Variants in LINGO2 observed in about 807,000 individuals in gnomAD.
LINGO2 encodes the protein leucine-rich repeat and immunoglobulin-like domain-containing nogo receptor-interacting protein 2.
Under a neutral mutation model 30.6 loss-of-function variants are expected in LINGO2, and 14 were observed. The ratio of observed to expected loss-of-function variants is 0.46; its 90% CI spans 0.30 to 0.72. The LOEUF (loss-of-function observed/expected upper bound fraction) is 0.72. LINGO2 is among the 30% of genes least tolerant of loss of function. LINGO2 has a pLI of 0.07. For missense variants in LINGO2, 729 were observed against 751.7 expected (o/e 0.97, Z 0.35); for synonymous variants, 317 against 288.5 (o/e 1.10, Z -1.00).
intron 2 of LINGO2, among the ~76,000 whole-genome samples, chr9:28,451,583 T>C (rs1400917316): frequency 6.6e-6 from 1 of 151,802 alleles, no homozygotes; most frequent in Admixed American, 6.6e-5. Flanking sequence ...AAAATGTTCT[T>C]AGTGTATTTT....
At chr9:28,919,256 G>A in the LINGO2 span, among the ~76,000 whole-genome samples, 2 of 152,074 alleles carry the variant, frequency 1.3e-5, no homozygotes, top group African/African-American at 2.4e-5. Context: ...CTATCATGCA[G>A]TCATGCTTGA....
chr9:28,514,122 T>A (rs914907839), intron 1 of LINGO2, among the ~76,000 whole-genome samples: 1 of 152,210 alleles, frequency 6.6e-6, no homozygotes, highest in Non-Finnish European at 1.5e-5. Flanking sequence ...TATAAGACAA[T>A]GAACTTGATC....
chr9:28,741,211 G>A, the LINGO2 span, among the ~76,000 whole-genome samples: 1 of 151,928 alleles, frequency 6.6e-6, no homozygotes, highest in Non-Finnish European at 1.5e-5. Context: ...GCAGCCACAG[G>A]GACTGGCCTA....
the LINGO2 span, among the ~76,000 whole-genome samples, chr9:29,047,774 G>A: frequency 6.6e-6 from 1 of 152,168 alleles, no homozygotes; most frequent in East Asian, 1.9e-4. Flanking sequence ...AATCAGTAAT[G>A]TTGCAGGATA....
rs1264052914 is a variant in LINGO2 at position 28,475,937 on chromosome 9, T to TA, written c.-279+2dup. 2 of 152,590 alleles carry TA rather than the reference T, an allele frequency of 1.3e-5. No homozygotes were observed. Among genetic ancestry groups the TA allele is most frequent in the African/African-American group, 4.8e-5 (2 of 41,452 alleles). 9.5% of individuals were successfully genotyped at this position (152,590 alleles called of 1,614,324 possible). On this transcript the variant is annotated splice_region_variant and intron_variant, in intron 2 of 5. Coordinates refer to ENST00000379992, the Ensembl canonical transcript of LINGO2. Reference sequence around the variant, plus strand: ...TGAAACCTAGAAAAAGAGACTCACTTACCAGTTTGAATTGTTGGGCTCTTC... The same window carrying TA: ...TGAAACCTAGAAAAAGAGACTCACTTAACCAGTTTGAATTGTTGGGCTCTTC...
At chr9:29,157,801 A>C in the LINGO2 span, among the ~76,000 whole-genome samples, 1 of 152,228 alleles carries the variant, frequency 6.6e-6, no homozygotes, top group East Asian at 1.9e-4. Flanking sequence ...AGCAAGCTCA[A>C]ATTTTGAATA....
rs188505143 is a variant in LINGO2 at position 28,149,355 on chromosome 9, G to A, written c.-86-136950C>T. On this transcript the variant is annotated intron_variant, in intron 4 of 5. Coordinates refer to ENST00000379992, the Ensembl canonical transcript of LINGO2. ...AGCGCCTCTGCCCGGCTGCTCCACC[G>A]TCTGGGAAGTGAGGAGCGCCTCTGC... is the stretch of plus-strand genomic sequence containing the variant. The A allele has an allele frequency of 6.4e-3, 2,799 of 440,272 alleles. 22 individuals carry two copies. Among genetic ancestry groups the A allele is most frequent in the African/African-American group, 0.024 (1,195 of 49,484 alleles). 27.3% of individuals were successfully genotyped at this position (440,272 alleles called of 1,614,324 possible).
intron 4 of LINGO2, among the ~76,000 whole-genome samples, chr9:28,292,565 C>A (rs774146485): frequency 6.6e-6 from 1 of 151,870 alleles, no homozygotes; most frequent in Non-Finnish European, 1.5e-5. Flanking sequence ...TGGGTTCAAG[C>A]GATTCTCCTG....
At chr9:28,068,762 G>T (rs1825387596) in intron 4 of LINGO2, among the ~76,000 whole-genome samples, 1 of 152,080 alleles carries the variant, frequency 6.6e-6, no homozygotes, top group African/African-American at 2.4e-5. Flanking sequence ...CAACTTTTAA[G>T]CTTGATTTTT....
chr9:28,028,295 C>A lies in LINGO2; in HGVS notation c.-86-15890G>T, dbSNP rs1823483624. 3.3e-5 allele frequency among the ~76,000 whole-genome samples: 5 copies of A among 152,210 alleles called. No individual in the cohort carries two copies. In the South Asian group the frequency reaches 1.0e-3, roughly 32 times the overall value. ...TTCCACAACTAGGCAGGTGCAATGC[C>A]ATCATATAAAATCTTTATTTCATCG... On this transcript the variant is annotated intron_variant, in intron 4 of 5. Transcript: ENST00000379992.
the LINGO2 span, among the ~76,000 whole-genome samples, chr9:28,935,747 T>C: frequency 2.0e-5 from 3 of 152,034 alleles, no homozygotes; most frequent in Non-Finnish European, 4.4e-5. Context: ...TTAAATGGCA[T>C]TTCTCACTGT....
At chr9:28,668,547 T>TAA (rs150489088) in intron 1 of LINGO2, among the ~76,000 whole-genome samples, 1 of 147,280 alleles carries the variant, frequency 6.8e-6, no homozygotes, top group African/African-American at 2.5e-5. Context: ...TTTCAGCTGA[T>TAA]AAAAAAAAAA....
At chr9:28,355,281 C>CTCTG (rs1436982224) in intron 3 of LINGO2, among the ~76,000 whole-genome samples, 8 of 100,406 alleles carry the variant, frequency 8.0e-5, no homozygotes, top group African/African-American at 1.7e-4. Flanking sequence ...CTGTCTCTGT[C>CTCTG]TCTCTCTCTC....
the LINGO2 span, among the ~76,000 whole-genome samples, chr9:28,727,462 A>T: frequency 1.3e-5 from 2 of 151,740 alleles, no homozygotes; most frequent in Non-Finnish European, 2.9e-5. Context: ...ATTTTTTTGT[A>T]TTTTTTTAGT....
At chr9:28,289,810 A>C (rs1189277394) in intron 4 of LINGO2, among the ~76,000 whole-genome samples, 2 of 152,142 alleles carry the variant, frequency 1.3e-5, no homozygotes, top group Non-Finnish European at 2.9e-5. Context: ...CTTTTTGGAA[A>C]TAGTACCCCA....
the LINGO2 span, among the ~76,000 whole-genome samples, chr9:28,814,654 G>A: frequency 4.7e-4 from 72 of 152,202 alleles, no homozygotes; most frequent in East Asian, 9.7e-3. Flanking sequence ...TTGGGAGGCC[G>A]AGGCAGACGG....
At chr9:29,115,724 A>G in the LINGO2 span, among the ~76,000 whole-genome samples, 2 of 152,202 alleles carry the variant, frequency 1.3e-5, no homozygotes, top group East Asian at 3.9e-4. Flanking sequence ...ATGATATGCA[A>G]TTAAAGAATA....
intron 2 of LINGO2, among the ~76,000 whole-genome samples, chr9:28,418,567 G>A (rs1050286517): frequency 2.0e-5 from 3 of 152,016 alleles, no homozygotes; most frequent in African/African-American, 7.2e-5. Flanking sequence ...GTGAGCCACC[G>A]TGCCCAGACG....
At chr9:28,760,941 T>TACACACACAA in the LINGO2 span, among the ~76,000 whole-genome samples, 103 of 109,510 alleles carry the variant, frequency 9.4e-4, no homozygotes, top group Admixed American at 2.0e-3. Context: ...TGTATATATA[T>TACACACACAA]ATATACACAC....
Sources: allele counts gnomAD v4.1 joint callset (sites outside exome capture counted in the v4.1 genomes callset), GRCh38; gene constraint gnomAD v4.1.1; transcripts MANE v1.5; gene names NCBI Gene and HGNC (gene_info 2026-07-23, HGNC 2026-07-21).